Variants in SRFBP1 observed in about 807,000 individuals in gnomAD.
The protein encoded by SRFBP1 is serum response factor-binding protein 1.
SRFBP1 carries 47 observed loss-of-function variants against 45.5 expected under a neutral mutation model. The ratio of observed to expected loss-of-function variants is 1.03; its 90% CI spans 0.82 to 1.32. The LOEUF is 1.32. SRFBP1 is among the 40% of genes most tolerant of loss of function. SRFBP1 has a pLI of 0.00. For synonymous variants in SRFBP1, 203 were observed against 166.3 expected (o/e 1.22, Z -1.70); for missense variants, 621 against 484.6 (o/e 1.28, Z -2.64).
At chr5:122,076,855 A>G (rs1754651905), downstream of SRFBP1, 1 of 1,582,262 alleles carries the variant, frequency 6.3e-7, no homozygotes, top group Middle Eastern at 1.7e-4. Context: ...CCCTGAAGGT[A>G]GACCGGGGAG....
intron 4 of SRFBP1, among the ~76,000 whole-genome samples, chr5:122,012,545 A>G (rs1753117962): frequency 2.0e-5 from 3 of 152,052 alleles, no homozygotes; most frequent in African/African-American, 4.8e-5. Context: ...TATTTTTTCT[A>G]CTCCCGTAAT....
At chr5:122,067,700 T>A (rs1754335701) in intron 2 of SRFBP1, among the ~76,000 whole-genome samples, 2 of 152,132 alleles carry the variant, frequency 1.3e-5, no homozygotes, top group South Asian at 4.1e-4. Flanking sequence ...GTCCAACTCG[T>A]AACTCCACAA....
intron 2 of SRFBP1, among the ~76,000 whole-genome samples, 163 bp from the exon 3 acceptor site, chr5:121,975,152 T>G (rs1225742526): frequency 3.3e-5 from 5 of 151,922 alleles, no homozygotes; most frequent in Admixed American, 3.3e-4. Context: ...TAAATTGAGG[T>G]GTGTTTTGGG....
At chr5:122,030,203 C>A (rs1003209278), downstream of SRFBP1, among the ~76,000 whole-genome samples, 8 of 152,180 alleles carry the variant, frequency 5.3e-5, no homozygotes, top group African/African-American at 1.9e-4. Context: ...TCAGAATCAA[C>A]CTTTCAGAAC....
chr5:122,016,330 G>A (rs1369795891), intron 4 of SRFBP1, among the ~76,000 whole-genome samples: 2 of 151,992 alleles, frequency 1.3e-5, no homozygotes, highest in African/African-American at 4.8e-5. Flanking sequence ...GTACAAGGAT[G>A]TAAATTTTTT....
chr5:121,974,399 C>T (rs932219962), intron 2 of SRFBP1, 115 bp downstream of exon 2: 1 of 700,836 alleles, frequency 1.4e-6, no homozygotes, highest in Non-Finnish European at 2.4e-6. Flanking sequence ...GTCTTATACA[C>T]CATTTTTGTT....
intron 4 of SRFBP1, among the ~76,000 whole-genome samples, chr5:122,003,986 G>A (rs919122491): frequency 6.6e-6 from 1 of 152,080 alleles, no homozygotes; most frequent in Non-Finnish European, 1.5e-5. Context: ...CCACACTGGA[G>A]TGCAGTGGCA....
rs1753535904 is a variant in SRFBP1 at position 122,028,525 on chromosome 5, T to G, written c.*1399T>G. On this transcript the variant is annotated 3_prime_UTR_variant, in exon 8 of 8. Coordinates refer to ENST00000339397, the MANE Select transcript of SRFBP1 (RefSeq NM_152546.3). ...AGAAGGCTGAGGCATAAGAATTGCT[T>G]GAACCTGGGAGGTGGAGGTTGCAGT... 1 of 152,004 alleles carries G rather than the reference T, an allele frequency of 6.6e-6. No individual in the cohort carries two copies. Among genetic ancestry groups the G allele is most frequent in the Non-Finnish European group, 1.5e-5 (1 of 68,092 alleles). The allele number at this position is 152,004 out of a possible 1,614,324, so 9.4% of individuals were successfully genotyped here. A position where few individuals can be genotyped will look rare whatever the true frequency, so the allele number is the denominator to read the frequency against.
chr5:121,981,027 C>A (rs1294994979), intron 3 of SRFBP1, among the ~76,000 whole-genome samples: 1 of 152,106 alleles, frequency 6.6e-6, no homozygotes, highest in African/African-American at 2.4e-5. Context: ...AGCTTTCCAT[C>A]TTCTTTCCTC....
chr5:122,076,779 C>T (rs1346265883), downstream of SRFBP1: 1 of 846,746 alleles, frequency 1.2e-6, no homozygotes, highest in Non-Finnish European at 1.9e-6. Context: ...CTTCCCAGCT[C>T]TTGTCCCACT....
At chr5:122,069,003 T>C (rs1352131375) in intron 2 of SRFBP1, among the ~76,000 whole-genome samples, 1 of 152,128 alleles carries the variant, frequency 6.6e-6, no homozygotes, top group East Asian at 1.9e-4. Context: ...TGCCAGGTTT[T>C]CTGTGCTGTG....
chr5:122,073,887 C>G (rs193294675), intron 2 of SRFBP1: 1 of 842,868 alleles, frequency 1.2e-6, no homozygotes, highest in East Asian at 2.4e-5. Flanking sequence ...TCTTTGAGAA[C>G]AGTCTCTGTA....
At chr5:121,986,671 T>G (rs1334651608) in intron 3 of SRFBP1, among the ~76,000 whole-genome samples, 2 of 152,168 alleles carry the variant, frequency 1.3e-5, no homozygotes, top group East Asian at 3.9e-4. Context: ...CTAATTTGAA[T>G]CCCATTTGTC....
At chr5:122,045,517 A>G (rs142073345) in intron 2 of SRFBP1, among the ~76,000 whole-genome samples, 19 of 152,174 alleles carry the variant, frequency 1.2e-4, no homozygotes, top group African/African-American at 2.9e-4. Flanking sequence ...TGTTTGTGTC[A>G]TCTCTGATTT....
At chr5:122,039,219 G>T (rs780317373) in intron 2 of SRFBP1, among the ~76,000 whole-genome samples, 14 of 152,138 alleles carry the variant, frequency 9.2e-5, no homozygotes, top group African/African-American at 3.1e-4. Flanking sequence ...TGCTGGGCCT[G>T]GTGGCAGGGG....
At chr5:122,035,198 T>C (rs1753673549) in intron 2 of SRFBP1, among the ~76,000 whole-genome samples, 1 of 152,180 alleles carries the variant, frequency 6.6e-6, no homozygotes, top group Admixed American at 6.5e-5. Flanking sequence ...AAAAGGGTCC[T>C]AGTGGAGATT....
chr5:122,077,700 C>T (rs1754680291), downstream of SRFBP1: 6 of 1,594,808 alleles, frequency 3.8e-6, no homozygotes, highest in East Asian at 9.0e-5. This position sits in a 1 kb window ranked among gnomAD's most constrained non-coding sequence, Gnocchi z 4.9. Context: ...GTGCGGTTGT[C>T]GCGGATCAGC....
At chr5:122,018,819 T>C (rs1753238202) in intron 4 of SRFBP1, among the ~76,000 whole-genome samples, 1 of 152,186 alleles carries the variant, frequency 6.6e-6, no homozygotes, top group Admixed American at 6.5e-5. Flanking sequence ...TTAGATAATT[T>C]CTAGGTCTCT....
chr5:122,029,259 G>C (rs1753553945), downstream of SRFBP1, among the ~76,000 whole-genome samples: 1 of 152,048 alleles, frequency 6.6e-6, no homozygotes. Context: ...GAGAAACCCT[G>C]GTCTAGGGTT....
Sources: allele counts gnomAD v4.1 joint callset (sites outside exome capture counted in the v4.1 genomes callset), GRCh38; gene constraint gnomAD v4.1.1; non-coding constraint Gnocchi (gnomAD v3.1); transcripts MANE v1.5; gene names NCBI Gene and HGNC (gene_info 2026-07-23, HGNC 2026-07-21).